The following ATRN variants were observed in gnomAD, a reference collection of about 807,000 sequenced individuals.
ATRN encodes attractin-2.
Under a neutral mutation model 178.7 loss-of-function variants are expected in ATRN, and 54 were observed. The ratio of observed to expected loss-of-function variants is 0.30; its 90% confidence interval spans 0.24 to 0.38. ATRN has a LOEUF of 0.38. Among genes scored for constraint, ATRN ranks in the 10% least tolerant of loss-of-function variants. ATRN has a pLI of 1.00. For missense variants in ATRN, 1,443 were observed against 1,815.1 expected, an observed-to-expected ratio of 0.79 and a Z score of 3.73; for synonymous variants, 636 against 663.0, an observed-to-expected ratio of 0.96 and a Z score of 0.63.
intron 3 of ATRN, among the ~76,000 whole-genome samples, chr20:3,543,182 C>T (rs1305947530): frequency 3.9e-5 from 6 of 152,174 alleles, no homozygotes; most frequent in African/African-American, 1.4e-4. Flanking sequence ...CTCTACCTGG[C>T]ATTACGTATA....
chr20:3,553,677 C>T (rs1209031790), intron 6 of ATRN, among the ~76,000 whole-genome samples: 1 of 152,192 alleles, frequency 6.6e-6, no homozygotes, highest in Non-Finnish European at 1.5e-5. Flanking sequence ...AACCTGCTTT[C>T]TTACTCAAAA....
At position 3,489,876 on chromosome 20, in the gene ATRN, C is replaced by G; in HGVS notation, c.410+18359C>G. ...CCAGTAGGGAATGCGTTTGCCATCC[C>G]AGCCAAGTGGCAGGTTTTTGGGGTT... On this transcript the variant is annotated intron_variant, in intron 1 of 28. Coordinates refer to ENST00000262919, the MANE Select transcript of ATRN (RefSeq NM_139321.3). 3.8e-6 allele frequency: 5 copies of G among 1,300,576 alleles called. No homozygotes were observed. In the South Asian group the frequency reaches 5.9e-5, roughly 15 times the overall value. The allele number at this position is 1,300,576 out of a possible 1,614,324, so 80.6% of individuals were successfully genotyped here. A position where few individuals can be genotyped will look rare whatever the true frequency, so the allele number is the denominator to read the frequency against.
intron 24 of ATRN, among the ~76,000 whole-genome samples, chr20:3,606,703 C>A (rs187488084): frequency 1.3e-5 from 2 of 152,138 alleles, no homozygotes; most frequent in Non-Finnish European, 2.9e-5. Context: ...TTGAGCATGA[C>A]GTATTATTTC....
rs529554898 is a variant in ATRN at position 3,615,563 on chromosome 20, T to C, written c.3802-8948T>C. Among the ~76,000 whole-genome samples, 11 of 144,338 alleles carry C rather than the reference T, an allele frequency of 7.6e-5. No homozygotes were observed. The South Asian group carries it at 9.6e-4, about 13-fold the overall frequency. 94.7% of individuals were successfully genotyped at this position (144,338 alleles called of 152,430 possible). A position where few individuals can be genotyped will look rare whatever the true frequency, so the allele number is the denominator to read the frequency against. On this transcript the variant is annotated intron_variant, in intron 24 of 28. Transcript: ENST00000262919. ...CTTTTCTTTTTTCTTTTTTCTTTTT[T>C]TTTTTTTTTGGAGACAGAGTCTCAC...
At position 3,649,392 on chromosome 20, in the gene ATRN, C is replaced by T. The variant is rs1289172052; in HGVS notation, c.*2545C>T. ...CTTCATGTATTTTTATTAAATATAA[C>T]AATGTCTGAGTTTCACCTAAGATGT... On this transcript the variant is annotated 3_prime_UTR_variant, in exon 29 of 29. Coordinates refer to ENST00000262919, the MANE Select transcript of ATRN (RefSeq NM_139321.3). 1 of 152,524 alleles carries T rather than the reference C, an allele frequency of 6.6e-6. No individual in the cohort carries two copies. Among genetic ancestry groups the T allele is most frequent in the Non-Finnish European group, 1.5e-5 (1 of 68,032 alleles). 9.4% of individuals were successfully genotyped at this position (152,524 alleles called of 1,614,324 possible).
intron 1 of ATRN, among the ~76,000 whole-genome samples, chr20:3,518,920 T>C (rs933695267): frequency 6.6e-6 from 1 of 150,836 alleles, no homozygotes; most frequent in Non-Finnish European, 1.5e-5. Flanking sequence ...GATCATAATA[T>C]ATTTAACCAG....
intron 6 of ATRN, among the ~76,000 whole-genome samples, chr20:3,555,976 A>G (rs1425947964): frequency 6.6e-6 from 1 of 152,252 alleles, no homozygotes; most frequent in African/African-American, 2.4e-5. Context: ...CAACTTAATG[A>G]GAATTTGAGT....
intron 1 of ATRN, among the ~76,000 whole-genome samples, chr20:3,492,983 ATAAT>A (rs1377947529): frequency 6.8e-6 from 1 of 146,308 alleles, no homozygotes; most frequent in Non-Finnish European, 1.5e-5. Flanking sequence ...TAGATAATAT[ATAAT>A]TATCTATAAT....
intron 16 of ATRN, 57 bp from the exon 17 acceptor site, chr20:3,583,839 CTT>C: frequency 2.0e-6 from 3 of 1,480,602 alleles, no homozygotes; most frequent in Non-Finnish European, 2.8e-6. Context: ...AAAGAAAAGT[CTT>C]TGACCTTAGC....
At chr20:3,630,358 A>G (rs938291368) in intron 25 of ATRN, among the ~76,000 whole-genome samples, 9 of 152,152 alleles carry the variant, frequency 5.9e-5, no homozygotes, top group African/African-American at 1.9e-4. Flanking sequence ...GTTCACTCCT[A>G]TACACACACA....
chr20:3,566,886 G>A (rs1482699608), intron 11 of ATRN, among the ~76,000 whole-genome samples: 5 of 114,256 alleles, frequency 4.4e-5, no homozygotes, highest in Admixed American at 3.7e-4. Flanking sequence ...CAGCCTGGGC[G>A]ACAGCGAGAC....
At chr20:3,562,679 T>TA (rs1239696536) in intron 9 of ATRN, among the ~76,000 whole-genome samples, 1 of 152,216 alleles carries the variant, frequency 6.6e-6, no homozygotes, top group Non-Finnish European at 1.5e-5. Flanking sequence ...AGAAAATACT[T>TA]AGAGTTTTTT....
At chr20:3,563,604 T>C (rs1467726007) in intron 10 of ATRN, among the ~76,000 whole-genome samples, 2 of 152,222 alleles carry the variant, frequency 1.3e-5, no homozygotes, top group Non-Finnish European at 1.5e-5. Flanking sequence ...AAGGCTGAGT[T>C]GAGGTGTCTA....
intron 8 of ATRN, among the ~76,000 whole-genome samples, chr20:3,561,110 C>G (rs1267693712): frequency 2.0e-5 from 3 of 152,102 alleles, no homozygotes; most frequent in African/African-American, 7.2e-5. Context: ...CACCTAAGGT[C>G]AGGAGTTCAA....
chr20:3,502,856 T>C (rs1331152444), intron 1 of ATRN, among the ~76,000 whole-genome samples: 7 of 152,094 alleles, frequency 4.6e-5, no homozygotes, highest in Non-Finnish European at 8.8e-5. Context: ...GTCTGAGAGA[T>C]CTTTGGCCAT....
intron 22 of ATRN, among the ~76,000 whole-genome samples, chr20:3,600,132 A>G (rs1467299458): frequency 6.6e-6 from 1 of 152,212 alleles, no homozygotes; most frequent in Non-Finnish European, 1.5e-5. Context: ...GTACTAGTCA[A>G]ATTTCAGTTT....
Position 3,632,129 on chromosome 20 carries a change from C to T in ATRN, c.3864-2182C>T, listed in dbSNP as rs894053136. ...CCCAGGACATCTCCCCTGGGCTGTC[C>T]GGTAGATATCTCAGGGTTCTGCATG... On this transcript the variant is annotated intron_variant, in intron 25 of 28. Coordinates refer to ENST00000262919, the MANE Select transcript of ATRN (RefSeq NM_139321.3). This position sits in a 1 kb window ranked among gnomAD's most constrained non-coding sequence, Gnocchi z 4.2. 7.9e-5 allele frequency among the ~76,000 whole-genome samples: 12 copies of T among 152,214 alleles called. No individual in the cohort carries two copies. The highest frequency in any genetic ancestry group is 4.2e-4 in the South Asian group (2 of 4,816).
At position 3,490,969 on chromosome 20, in the gene ATRN, C is replaced by T. The variant is rs185861250; in HGVS notation, c.410+19452C>T. ...ACGTCCATGAGCCTTTCCTTCTCCT[C>T]ATGATAGCGCCGCTGCTGCTCCAGT... On this transcript the variant is annotated intron_variant, in intron 1 of 28. Transcript: ENST00000262919. 9.7e-5 allele frequency: 149 copies of T among 1,538,132 alleles called. No individual in the cohort carries two copies. In the East Asian group the frequency reaches 3.1e-3, roughly 32 times the overall value.
chr20:3,495,931 AGAG>A (rs1348085464), intron 1 of ATRN, among the ~76,000 whole-genome samples: 1 of 152,108 alleles, frequency 6.6e-6, no homozygotes, highest in Non-Finnish European at 1.5e-5. Flanking sequence ...AAGGAGAGAG[AGAG>A]AATGGGGTGG....
Sources: gnomAD v4.1 joint callset for allele counts (sites outside exome capture counted in the v4.1 genomes callset) on GRCh38, gnomAD v4.1.1 for gene constraint, Gnocchi (gnomAD v3.1) non-coding constraint, MANE v1.5 for transcripts, NCBI Gene and HGNC (gene_info 2026-07-23, HGNC 2026-07-21) for gene names.